The following TNS3 variants were observed in gnomAD, a reference collection of about 807,000 sequenced individuals.
TNS3 encodes tensin 3.
TNS3 carries 45 observed loss-of-function variants against 140.9 expected under a neutral mutation model. That is an observed-to-expected ratio of 0.32 (90% CI 0.25 to 0.41). The LOEUF (loss-of-function observed/expected upper bound fraction) is 0.41, where lower values mean the gene tolerates loss of function less well. Among genes scored for constraint, TNS3 ranks in the 10% least tolerant of loss-of-function variants. The probability of loss-of-function intolerance (pLI) is 1.00; values close to 1 mark genes in which losing one functional copy is unlikely to be tolerated. For missense variants in TNS3, 1,716 were observed against 1,906.7 expected (o/e 0.90, Z 1.86); for synonymous variants, 815 against 788.4 (o/e 1.03, Z -0.56).
At chr7:47,486,017 A>T (rs976317001) in intron 3 of TNS3, among the ~76,000 whole-genome samples, 17 of 141,032 alleles carry the variant, frequency 1.2e-4, no homozygotes, top group African/African-American at 4.0e-4. Flanking sequence ...TGTGGAGGTG[A>T]GTGTGTGTGG....
intron 1 of TNS3, among the ~76,000 whole-genome samples, chr7:47,576,626 C>G (rs1030738817): frequency 6.6e-6 from 1 of 152,190 alleles, no homozygotes; most frequent in African/African-American, 2.4e-5. Context: ...GCCAGCCCGG[C>G]GCTCCAGGGA....
intron 16 of TNS3, among the ~76,000 whole-genome samples, chr7:47,370,047 G>A (rs1480371927): frequency 6.6e-6 from 1 of 152,166 alleles, no homozygotes; most frequent in Non-Finnish European, 1.5e-5. Context: ...CATTTGTTGA[G>A]CATCAGCTAG....
At chr7:47,379,102 T>C (rs1163723344) in intron 16 of TNS3, among the ~76,000 whole-genome samples, 1 of 152,130 alleles carries the variant, frequency 6.6e-6, no homozygotes, top group African/African-American at 2.4e-5. Context: ...TGAATGGGGT[T>C]AACAATGAAG....
At chr7:47,366,436 G>A (rs1019690213) in intron 17 of TNS3, among the ~76,000 whole-genome samples, 16 of 152,208 alleles carry the variant, frequency 1.1e-4, no homozygotes, top group Admixed American at 7.2e-4. Flanking sequence ...GTGAACGAGC[G>A]TTTCTTCACA....
chr7:47,345,598 T>C (rs750372784), intron 18 of TNS3, among the ~76,000 whole-genome samples: 1 of 152,136 alleles, frequency 6.6e-6, no homozygotes, highest in Non-Finnish European at 1.5e-5. Context: ...AAATAATTAA[T>C]CGTTTTGGAT....
At chr7:47,305,328 C>T (rs1398537299) in intron 20 of TNS3, among the ~76,000 whole-genome samples, 1 of 152,240 alleles carries the variant, frequency 6.6e-6, no homozygotes, top group Non-Finnish European at 1.5e-5. Context: ...GTCCTCCCAG[C>T]CCCATCCCCC....
chr7:47,374,088 C>T (rs1307097176), intron 16 of TNS3, among the ~76,000 whole-genome samples: 1 of 152,194 alleles, frequency 6.6e-6, no homozygotes, highest in African/African-American at 2.4e-5. Context: ...ATGAACACAA[C>T]TGGAAAAATA....
At chr7:47,278,909 T>C (rs1278278720) in intron 30 of TNS3, 1 of 152,246 alleles carries the variant, frequency 6.6e-6, no homozygotes, top group Non-Finnish European at 1.5e-5. Flanking sequence ...AAGGACTTTC[T>C]TCTCTTTCTT....
intron 10 of TNS3, among the ~76,000 whole-genome samples, chr7:47,423,264 G>C (rs532186959): frequency 6.6e-6 from 1 of 152,320 alleles, no homozygotes; most frequent in Admixed American, 6.5e-5. Context: ...CAAATTCCCT[G>C]CTGTGGGCTT....
At chr7:47,495,302 A>G (rs1306305340) in intron 3 of TNS3, among the ~76,000 whole-genome samples, 3 of 152,120 alleles carry the variant, frequency 2.0e-5, no homozygotes, top group Non-Finnish European at 4.4e-5. Context: ...GTCGCCAGAG[A>G]GCACAGGCTT....
Position 47,277,451 on chromosome 7 carries a change from C to T in TNS3, c.*625G>A, listed in dbSNP as rs565799607. 351 of 157,010 alleles carry T rather than the reference C, an allele frequency of 2.2e-3. 2 individuals carry two copies. The highest frequency in any genetic ancestry group is 2.9e-3 in the Non-Finnish European group (210 of 71,362). 9.7% of individuals were successfully genotyped at this position (157,010 alleles called of 1,614,324 possible). On this transcript the variant is annotated 3_prime_UTR_variant, in exon 31 of 31. Transcript: ENST00000311160. ...TGGTGGGGTGGCATGGGGTCTCCAACGTGGCCAATTCTTCCCACCACCCCC... is the reference window on the plus strand; with the variant it reads ...TGGTGGGGTGGCATGGGGTCTCCAATGTGGCCAATTCTTCCCACCACCCCC...
At chr7:47,327,847 C>G (rs571316086) in intron 20 of TNS3, among the ~76,000 whole-genome samples, 33 of 151,764 alleles carry the variant, frequency 2.2e-4, no homozygotes, top group African/African-American at 7.9e-4. Context: ...TCCCCACCCC[C>G]CTCCACTGGA....
At chr7:47,328,074 A>G (rs1179970158) in intron 20 of TNS3, among the ~76,000 whole-genome samples, 3 of 152,188 alleles carry the variant, frequency 2.0e-5, no homozygotes, top group Non-Finnish European at 4.4e-5. Flanking sequence ...CAGCAGCCCT[A>G]CGTGGTGAGC....
At chr7:47,313,046 T>G (rs1787196952) in intron 20 of TNS3, among the ~76,000 whole-genome samples, 1 of 152,106 alleles carries the variant, frequency 6.6e-6, no homozygotes. Flanking sequence ...ATGTGCAAAT[T>G]ACTACTGCAT....
At chr7:47,440,035 A>G (rs1355051964) in intron 5 of TNS3, among the ~76,000 whole-genome samples, 1 of 152,110 alleles carries the variant, frequency 6.6e-6, no homozygotes, top group Non-Finnish European at 1.5e-5. Flanking sequence ...GGACTCCTGG[A>G]GTGGGAGCCT....
chr7:47,448,964 G>A (rs1795886166), intron 4 of TNS3, among the ~76,000 whole-genome samples: 4 of 152,216 alleles, frequency 2.6e-5, no homozygotes, highest in African/African-American at 9.6e-5. Flanking sequence ...CATCTGTGGA[G>A]CGGGACAATG....
At chr7:47,282,061 C>T (rs1350400809) in intron 28 of TNS3, among the ~76,000 whole-genome samples, 1 of 151,978 alleles carries the variant, frequency 6.6e-6, no homozygotes, top group Non-Finnish European at 1.5e-5. Flanking sequence ...ATATCCCAAA[C>T]CCTAAGTCCA....
chr7:47,368,612 G>T lies in TNS3; in HGVS notation c.2034C>A (p.Ala678=). The change falls in exon 17 of 31, where the codon GCC becomes GCA. Residue 678 remains alanine, a synonymous_variant. Transcript: ENST00000311160. ...RFPGDQVVNG[A]GPELSTGPSP... ...AGGGGCCTGTGCTCAGCTCTGGGCCGGCTCCATTCACAACCTGGTCTCCTG... is the reference window on the plus strand; with the variant it reads ...AGGGGCCTGTGCTCAGCTCTGGGCCTGCTCCATTCACAACCTGGTCTCCTG... The T allele has an allele frequency of 1.3e-6, 2 of 1,591,654 alleles. No individual in the cohort carries two copies. Among genetic ancestry groups the T allele is most frequent in the Non-Finnish European group, 1.7e-6 (2 of 1,169,012 alleles).
At chr7:47,488,522 G>T (rs1797692840) in intron 3 of TNS3, among the ~76,000 whole-genome samples, 1 of 152,182 alleles carries the variant, frequency 6.6e-6, no homozygotes, top group Non-Finnish European at 1.5e-5. Context: ...GCCATTCCTT[G>T]TGTGTGTCTG....
Sources: gnomAD v4.1 joint callset for allele counts (sites outside exome capture counted in the v4.1 genomes callset) on GRCh38, gnomAD v4.1.1 for gene constraint, MANE v1.5 for transcripts, NCBI Gene and HGNC (gene_info 2026-07-23, HGNC 2026-07-21) for gene names.